Variants in PRKCH observed in about 807,000 individuals in gnomAD.
PRKCH encodes protein kinase C eta, also known as protein kinase C eta type.
A neutral mutation model predicts 82.5 loss-of-function variants in PRKCH; 28 were observed. The ratio of observed to expected loss-of-function variants is 0.34; its 90% CI spans 0.25 to 0.47. PRKCH has a LOEUF of 0.47. PRKCH is among the 20% of genes least tolerant of loss of function. The pLI is 1.00. For missense variants in PRKCH, 705 were observed against 881.8 expected (o/e 0.80, Z 2.54); for synonymous variants, 322 against 327.4 (o/e 0.98, Z 0.18).
At chr14:61,506,547 A>G (rs371482789) in intron 10 of PRKCH, among the ~76,000 whole-genome samples, 13 of 151,296 alleles carry the variant, frequency 8.6e-5, no homozygotes, top group African/African-American at 3.2e-4. Flanking sequence ...TCTTTACCCA[A>G]CCCCTCCCCC....
At chr14:61,511,243 A>G (rs1053124315) in intron 10 of PRKCH, among the ~76,000 whole-genome samples, 4 of 152,194 alleles carry the variant, frequency 2.6e-5, no homozygotes, top group Non-Finnish European at 5.9e-5. Context: ...CGGATGTAGA[A>G]TTATTAAACC....
At chr14:61,254,026 C>T (rs915891559) in intron 1 of PRKCH, among the ~76,000 whole-genome samples, 50 of 121,602 alleles carry the variant, frequency 4.1e-4, no homozygotes, top group Middle Eastern at 5.6e-3. Context: ...TTCCTTCCTT[C>T]CTTTCTTCTT....
chr14:61,384,502 G>C (rs896036504), intron 1 of PRKCH, among the ~76,000 whole-genome samples: 1 of 151,840 alleles, frequency 6.6e-6, no homozygotes, highest in Admixed American at 6.5e-5. Context: ...TGGCCTTCCT[G>C]ATGTCGCAGA....
chr14:61,530,730 A>G (rs1388218503), intron 12 of PRKCH, 135 bp downstream of exon 12: 2 of 788,930 alleles, frequency 2.5e-6, no homozygotes, highest in Non-Finnish European at 3.7e-6. Context: ...TAATCTAAAG[A>G]ATCAAAGAAC....
intron 1 of PRKCH, among the ~76,000 whole-genome samples, chr14:61,248,798 A>ATGTG (rs1274097072): frequency 0.017 from 369 of 21,966 alleles, 9 homozygotes; most frequent in Middle Eastern, 0.034. Context: ...GTATGTATGT[A>ATGTG]TGTGTGTGTG....
intron 1 of PRKCH, chr14:61,279,660 G>T (rs1340419415): frequency 6.4e-6 from 1 of 157,146 alleles, no homozygotes; most frequent in Non-Finnish European, 1.4e-5. Flanking sequence ...CCAAAGAAAA[G>T]AAAACCACTG....
chr14:61,348,182 A>T (rs1458775026), intron 1 of PRKCH: 1 of 152,112 alleles, frequency 6.6e-6, no homozygotes, highest in African/African-American at 2.4e-5. Context: ...TTTTCCGGGG[A>T]GGGTGTTGCT....
At chr14:61,472,470 A>G (rs756737611) in intron 9 of PRKCH, among the ~76,000 whole-genome samples, 2 of 152,178 alleles carry the variant, frequency 1.3e-5, no homozygotes, top group African/African-American at 2.4e-5. Context: ...ATGTTTCCCA[A>G]CCAGCATGGG....
intron 1 of PRKCH, among the ~76,000 whole-genome samples, chr14:61,200,596 A>T (rs1311897871): frequency 6.6e-6 from 1 of 152,172 alleles, no homozygotes; most frequent in Non-Finnish European, 1.5e-5. Context: ...TTCAGCTCAC[A>T]GTGGAATATA....
chr14:61,366,460 C>T (rs2140167402), intron 1 of PRKCH, among the ~76,000 whole-genome samples: 1 of 152,136 alleles, frequency 6.6e-6, no homozygotes, highest in Middle Eastern at 3.4e-3. Context: ...AGAAAGAAGC[C>T]AGATCCAAAC....
At chr14:61,384,996 G>T (rs1594646561) in intron 1 of PRKCH, among the ~76,000 whole-genome samples, 1 of 151,926 alleles carries the variant, frequency 6.6e-6, no homozygotes, top group African/African-American at 2.4e-5. Flanking sequence ...TTATACTTTT[G>T]TTCATTTGTC....
At chr14:61,476,186 G>A (rs919164446) in intron 9 of PRKCH, 6 of 152,220 alleles carry the variant, frequency 3.9e-5, no homozygotes, top group African/African-American at 1.2e-4. Flanking sequence ...CTCTTCTAAA[G>A]TTCCATTTTA....
intron 10 of PRKCH, among the ~76,000 whole-genome samples, chr14:61,516,114 A>G (rs1393599294): frequency 6.6e-6 from 1 of 152,162 alleles, no homozygotes; most frequent in Non-Finnish European, 1.5e-5. Flanking sequence ...GCCCATTGAA[A>G]TCAGACAGAC....
At chr14:61,498,143 GCCTGGGATTGCAGACATGCGCCA>G (rs370982365) in intron 10 of PRKCH, among the ~76,000 whole-genome samples, 15 of 152,108 alleles carry the variant, frequency 9.9e-5, no homozygotes, top group African/African-American at 3.4e-4. Context: ...CCTCCCAAGT[GCCTGGGATTGCAGACATGCGCCA>G]CCACACTCGG....
chr14:61,487,887 C>G (rs991590605), intron 10 of PRKCH, among the ~76,000 whole-genome samples: 1 of 151,202 alleles, frequency 6.6e-6, no homozygotes, highest in African/African-American at 2.4e-5. Flanking sequence ...GGCGCGGTGG[C>G]TCACGCCTGT....
chr14:61,335,959 C>T (rs2045852044), intron 1 of PRKCH, among the ~76,000 whole-genome samples: 1 of 152,144 alleles, frequency 6.6e-6, no homozygotes, highest in African/African-American at 2.4e-5. Flanking sequence ...ATTCATTCTG[C>T]CTCTCATTAG....
intron 2 of PRKCH, among the ~76,000 whole-genome samples, chr14:61,442,025 G>T (rs533266303): frequency 1.8e-4 from 27 of 152,010 alleles, no homozygotes; most frequent in African/African-American, 6.0e-4. Flanking sequence ...AATTTCCTTT[G>T]TAACAGGTAT....
At position 61,534,354 on chromosome 14, in the gene PRKCH, C is replaced by T. The variant is rs1004615364; in HGVS notation, c.1761+3759C>T. ...ATGAATAGATAAGTAAGATGTGGTA[C>T]GTGCACTCTGAACAAGCATTCATTT... On this transcript the variant is annotated intron_variant, in intron 12 of 13. Coordinates refer to ENST00000332981, the MANE Select transcript of PRKCH (RefSeq NM_006255.5). Among the ~76,000 whole-genome samples, 15 of 152,272 alleles carry T rather than the reference C, an allele frequency of 9.9e-5. No homozygotes were observed. The South Asian group carries it at 2.7e-3, about 27-fold the overall frequency.
intron 10 of PRKCH, among the ~76,000 whole-genome samples, chr14:61,489,771 C>T (rs920308388): frequency 2.0e-5 from 3 of 152,170 alleles, no homozygotes; most frequent in Non-Finnish European, 2.9e-5. Context: ...GACTTTTTTC[C>T]GGAGTCAAGC....
Sources: allele counts gnomAD v4.1 joint callset (sites outside exome capture counted in the v4.1 genomes callset), GRCh38; gene constraint gnomAD v4.1.1; transcripts MANE v1.5; gene names NCBI Gene and HGNC (gene_info 2026-07-23, HGNC 2026-07-21).